The following EIF4E2 variants were observed in gnomAD, a reference collection of about 807,000 sequenced individuals.
EIF4E2 encodes the protein eukaryotic translation initiation factor 4E family member 2.
In EIF4E2, 13 loss-of-function variants were observed where a neutral mutation model predicts 34.2. The ratio of observed to expected loss-of-function variants is 0.38; its 90% CI spans 0.25 to 0.60. The LOEUF (loss-of-function observed/expected upper bound fraction) is 0.60, where lower values mean the gene tolerates loss of function less well. Ranked by LOEUF, EIF4E2 falls within the 20% of genes least tolerant of loss-of-function variation. EIF4E2 has a pLI of 0.62. For missense variants in EIF4E2, 222 were observed against 315.1 expected (o/e 0.70, Z 2.24); for synonymous variants, 100 against 106.6 (o/e 0.94, Z 0.38).
chr2:232,554,614 G>C (rs1464361882), intron 1 of EIF4E2, among the ~76,000 whole-genome samples: 1 of 152,162 alleles, frequency 6.6e-6, no homozygotes, highest in Non-Finnish European at 1.5e-5. Flanking sequence ...TTAATAAAGG[G>C]GAAGGGAATA....
intron 3 of EIF4E2, among the ~76,000 whole-genome samples, chr2:232,562,397 A>G (rs1214045095): frequency 6.6e-6 from 1 of 152,136 alleles, no homozygotes; most frequent in Admixed American, 6.5e-5. Context: ...CCTGGCTAAC[A>G]TGGTGAATGG....
chr2:232,568,084 T>A (rs1301766103), intron 6 of EIF4E2: 2 of 985,312 alleles, frequency 2.0e-6, no homozygotes, highest in Non-Finnish European at 2.4e-6. Context: ...TGAGGCTGAT[T>A]TAATCTTTAA....
At chr2:232,572,363 TTTG>T (rs1301087377), downstream of EIF4E2, among the ~76,000 whole-genome samples, 1 of 151,974 alleles carries the variant, frequency 6.6e-6, no homozygotes. Context: ...CTTTTTTTGT[TTTG>T]TTTTGTTTTG....
chr2:232,560,159 C>T (rs1415535117), intron 3 of EIF4E2, among the ~76,000 whole-genome samples: 1 of 152,154 alleles, frequency 6.6e-6, no homozygotes, highest in African/African-American at 2.4e-5. Flanking sequence ...TCCTCCATAC[C>T]TTCCCCCATA....
rs771387654 is a variant in EIF4E2, at chr2:232,550,721, G to C, written c.-4G>C. On this transcript the variant is annotated 5_prime_UTR_variant, in exon 1 of 7. Transcript: ENST00000258416. ...GAGGCAGTGGCGACAGCGGCGGCGAGAGGATGAACAACAAGTTCGACGCGT... is the reference window on the plus strand; with the variant it reads ...GAGGCAGTGGCGACAGCGGCGGCGACAGGATGAACAACAAGTTCGACGCGT... 6.3e-7 allele frequency: 1 copy of C among 1,586,052 alleles called. No homozygotes were observed. Among genetic ancestry groups the C allele is most frequent in the African/African-American group, 1.4e-5 (1 of 72,842 alleles).
chr2:232,567,903 A>G, intron 6 of EIF4E2: 1 of 985,432 alleles, frequency 1.0e-6, no homozygotes, highest in Non-Finnish European at 1.2e-6. Context: ...TGGCTGTCAG[A>G]TTGTCTCAAA....
chr2:232,552,186 A>G (rs1330912444), intron 1 of EIF4E2, among the ~76,000 whole-genome samples: 1 of 152,134 alleles, frequency 6.6e-6, no homozygotes, highest in African/African-American at 2.4e-5. Context: ...ATGGACTTCC[A>G]CAGGGATCTT....
rs1450186874 is a variant in EIF4E2 at position 232,581,536 on chromosome 2, CCT to C, written c.*597_*598del. The stretch of plus-strand genomic sequence containing the variant: ...TCCCCTGCCTTATGCCCTCCGGTCT[CCT>C]CTCCTGTGGGACTCTCTCCTTCTTA... On this transcript the variant is annotated 3_prime_UTR_variant, in exon 7 of 7. Coordinates refer to the EIF4E2 transcript ENST00000409098. The surrounding 1 kb of genome is among the most constrained non-coding windows in gnomAD (Gnocchi z 5.2). 5.2e-6 allele frequency: 1 copy of C among 191,696 alleles called. No homozygotes were observed. The highest frequency in any genetic ancestry group is 1.6e-4 in the East Asian group (1 of 6,100). 11.9% of individuals were successfully genotyped at this position (191,696 alleles called of 1,614,324 possible). A position where few individuals can be genotyped will look rare whatever the true frequency, so the allele number is the denominator to read the frequency against.
downstream of EIF4E2, among the ~76,000 whole-genome samples, chr2:232,571,463 A>G (rs1345460176): frequency 2.6e-5 from 4 of 152,216 alleles, no homozygotes; most frequent in African/African-American, 9.7e-5. Context: ...CTGGGCTCGG[A>G]GCCATATGAA....
chr2:232,569,084 G>C lies in EIF4E2; in HGVS notation c.*67G>C. ...CATCGGAGTCTCTTGTTCTGTTGGC[G>C]TGCTACCTGGAAGATCCTTCTGTCC... is the stretch of plus-strand genomic sequence containing the variant. On this transcript the variant is annotated 3_prime_UTR_variant, in exon 7 of 7. Coordinates refer to ENST00000258416, the MANE Select transcript of EIF4E2 (RefSeq NM_004846.4). 1.9e-6 allele frequency: 3 copies of C among 1,586,976 alleles called. No homozygotes were observed. Among genetic ancestry groups the C allele is most frequent in the South Asian group, 1.1e-5 (1 of 87,978 alleles).
intron 1 of EIF4E2, chr2:232,551,172 T>G (rs1183052721): frequency 2.0e-6 from 1 of 507,136 alleles, no homozygotes; most frequent in South Asian, 1.5e-5. Flanking sequence ...ATCTGCAGAG[T>G]GGGGACGGTA....
chr2:232,583,286 A>C (rs1241908760), exon 7 of EIF4E2: 1 of 86,148 alleles, frequency 1.2e-5, no homozygotes, highest in East Asian at 2.9e-4. Flanking sequence ...TCCACTTTGC[A>C]CAGTTGGAGC....
At chr2:232,553,262 A>G (rs10498262) in intron 1 of EIF4E2, among the ~76,000 whole-genome samples, 5,034 of 148,856 alleles carry the variant, frequency 0.034, 152 homozygotes, top group Middle Eastern at 0.075. Context: ...ACTTAAACAT[A>G]GTTTTCAGAT....
intron 6 of EIF4E2, 26 bp from the exon 7 acceptor site, chr2:232,568,919 G>C: frequency 6.2e-7 from 1 of 1,614,072 alleles, no homozygotes; most frequent in Non-Finnish European, 8.5e-7. Flanking sequence ...CTCTCCCAAT[G>C]AGCCAACCTT....
At chr2:232,577,297 T>G (rs146971305) in intron 6 of EIF4E2, among the ~76,000 whole-genome samples, 1 of 152,288 alleles carries the variant, frequency 6.6e-6, no homozygotes, top group Non-Finnish European at 1.5e-5. Flanking sequence ...CATGTGCACT[T>G]AGGTCTACGG....
In EIF4E2 at chr2:232,567,069, C is replaced by G. The variant is rs563943124; in HGVS notation, c.529-9C>G. On this transcript the variant is annotated splice_polypyrimidine_tract_variant and intron_variant, in intron 5 of 6. Coordinates refer to ENST00000258416, the MANE Select transcript of EIF4E2 (RefSeq NM_004846.4). Reference sequence around the variant, plus strand: ...TTTGCTTTGATGATTCCTTCTGTTCCTCTGGTAGGAAGACATTATTTCAAT... The same window carrying G: ...TTTGCTTTGATGATTCCTTCTGTTCGTCTGGTAGGAAGACATTATTTCAAT... 1.4e-5 allele frequency: 23 copies of G among 1,612,118 alleles called. No individual in the cohort carries two copies. In the South Asian group the frequency reaches 2.5e-4, roughly 18 times the overall value.
At chr2:232,573,016 A>T (rs190444156), downstream of EIF4E2, among the ~76,000 whole-genome samples, 526 of 152,306 alleles carry the variant, frequency 3.5e-3, 6 homozygotes, top group African/African-American at 0.012. Context: ...ATTTGGAGTA[A>T]AGAGTCAAAT....
Position 232,566,933 on chromosome 2 carries a change from C to T in EIF4E2, c.480C>T (p.Phe160=). ...TTTTGGCCATGCTGGGGGAACAGTT[C>T]ATGGTTGGGGAGGAGATCTGTGGGG... ...NLILAMLGEQ[F]MVGEEICGAV... Residue 160 remains phenylalanine, a synonymous_variant, in exon 5 of 7, where the codon TTC becomes TTT. Transcript: ENST00000258416. This position sits in a 1 kb window ranked among gnomAD's most constrained non-coding sequence, Gnocchi z 4.9. 6.2e-7 allele frequency: 1 copy of T among 1,610,296 alleles called. No homozygotes were observed. Among genetic ancestry groups the T allele is most frequent in the Middle Eastern group, 1.7e-4 (1 of 6,046 alleles).
At chr2:232,551,063 G>A (rs1692294533) in intron 1 of EIF4E2, 4 of 627,002 alleles carry the variant, frequency 6.4e-6, no homozygotes, top group South Asian at 4.9e-5. Context: ...GGAGGGGTGG[G>A]GACCTCGGCG....
Sources: gnomAD v4.1 joint callset for allele counts (sites outside exome capture counted in the v4.1 genomes callset) on GRCh38, gnomAD v4.1.1 for gene constraint, Gnocchi (gnomAD v3.1) non-coding constraint, MANE v1.5 for transcripts, NCBI Gene and HGNC (gene_info 2026-07-23, HGNC 2026-07-21) for gene names.